Variants in SUPT3H observed in about 807,000 individuals in gnomAD.
SUPT3H encodes the protein transcription initiation protein SPT3 homolog.
Under a neutral mutation model 44.3 loss-of-function variants are expected in SUPT3H, and 44 were observed. That is an observed-to-expected ratio of 0.99 (90% CI 0.78 to 1.28). SUPT3H has a LOEUF of 1.28. Ranked by LOEUF, SUPT3H falls within the 50% of genes most tolerant of loss-of-function variation. The pLI, the probability that SUPT3H is intolerant of heterozygous loss-of-function variation, is 0.00. For missense variants in SUPT3H, 380 were observed against 387.1 expected, an observed-to-expected ratio of 0.98 and a Z score of 0.15; for synonymous variants, 124 against 125.6, an observed-to-expected ratio of 0.99 and a Z score of 0.09.
intron 3 of SUPT3H, among the ~76,000 whole-genome samples, chr6:45,051,990 G>C (rs1182154510): frequency 6.6e-6 from 1 of 152,122 alleles, no homozygotes; most frequent in Non-Finnish European, 1.5e-5. Flanking sequence ...ATACTAGAAG[G>C]ATCATGCACA....
At chr6:44,909,701 G>A (rs747961338) in intron 10 of SUPT3H, among the ~76,000 whole-genome samples, 6 of 152,132 alleles carry the variant, frequency 3.9e-5, no homozygotes, top group East Asian at 1.9e-4. Flanking sequence ...GGAGAGAGGC[G>A]CATGGACTTG....
At chr6:45,272,602 G>C (rs1389139022) in intron 2 of SUPT3H, among the ~76,000 whole-genome samples, 1 of 152,154 alleles carries the variant, frequency 6.6e-6, no homozygotes, top group Admixed American at 6.6e-5. Flanking sequence ...GATTAGTAAA[G>C]AAAAAGAAGT....
intron 10 of SUPT3H, among the ~76,000 whole-genome samples, chr6:44,846,275 T>C (rs1191231335): frequency 6.6e-6 from 1 of 152,218 alleles, no homozygotes; most frequent in African/African-American, 2.4e-5. Flanking sequence ...ATCATGAACT[T>C]TTCCTCAACT....
chr6:45,208,949 T>A (rs1286340870), intron 2 of SUPT3H, among the ~76,000 whole-genome samples: 2 of 151,894 alleles, frequency 1.3e-5, no homozygotes, highest in Non-Finnish European at 2.9e-5. Flanking sequence ...TCATTTACCA[T>A]TCAGAAAAAT....
At chr6:45,272,967 C>A (rs1274150479) in intron 2 of SUPT3H, among the ~76,000 whole-genome samples, 1 of 152,190 alleles carries the variant, frequency 6.6e-6, no homozygotes. Context: ...TCTTTAGGAT[C>A]ATACTAGTAA....
chr6:45,230,941 G>A (rs1158421590), intron 2 of SUPT3H, among the ~76,000 whole-genome samples: 2 of 151,950 alleles, frequency 1.3e-5, no homozygotes, highest in Non-Finnish European at 2.9e-5. Flanking sequence ...AAAGTGCTGG[G>A]ATTACAGGCG....
intron 9 of SUPT3H, among the ~76,000 whole-genome samples, chr6:44,948,788 T>C (rs1164314101): frequency 6.6e-6 from 1 of 152,126 alleles, no homozygotes; most frequent in African/African-American, 2.4e-5. Context: ...TTTACACTGC[T>C]GGTGGGACTG....
At chr6:45,296,316 GAAAACC>G (rs1281670175) in intron 2 of SUPT3H, among the ~76,000 whole-genome samples, 1 of 151,906 alleles carries the variant, frequency 6.6e-6, no homozygotes, top group African/African-American at 2.4e-5. Flanking sequence ...TGCAGGAATA[GAAAACC>G]AAACATCGTT....
At chr6:45,154,432 C>T (rs1807473251) in intron 2 of SUPT3H, among the ~76,000 whole-genome samples, 1 of 152,042 alleles carries the variant, frequency 6.6e-6, no homozygotes, top group African/African-American at 2.4e-5. Context: ...GACCTCCTCC[C>T]AAGAATCTCA....
At chr6:44,990,312 G>A (rs1359339385) in intron 6 of SUPT3H, among the ~76,000 whole-genome samples, 6 of 151,938 alleles carry the variant, frequency 3.9e-5, no homozygotes, top group Admixed American at 2.0e-4. Flanking sequence ...GTTTATTTCT[G>A]GGCTTTCTGT....
intron 2 of SUPT3H, among the ~76,000 whole-genome samples, chr6:45,325,971 T>G (rs996038430): frequency 1.3e-5 from 2 of 151,924 alleles, no homozygotes; most frequent in African/African-American, 4.8e-5. Flanking sequence ...CTGCTAGAAT[T>G]TGATAGGCCT....
chr6:45,336,092 C>T (rs1035531235), intron 2 of SUPT3H, among the ~76,000 whole-genome samples: 8 of 151,306 alleles, frequency 5.3e-5, no homozygotes, highest in African/African-American at 1.9e-4. Context: ...ATATTATAAA[C>T]TCCAGTGTCC....
chr6:45,267,173 G>A (rs540357647), intron 2 of SUPT3H, among the ~76,000 whole-genome samples: 1 of 152,224 alleles, frequency 6.6e-6, no homozygotes, highest in Admixed American at 6.5e-5. Context: ...TTTTGGATAT[G>A]AGATACTCAA....
At chr6:44,938,566 G>C (rs959773571) in intron 9 of SUPT3H, among the ~76,000 whole-genome samples, 2 of 151,860 alleles carry the variant, frequency 1.3e-5, no homozygotes, top group East Asian at 3.9e-4. Context: ...GCACTTTTTT[G>C]GTTCCATATG....
intron 3 of SUPT3H, among the ~76,000 whole-genome samples, chr6:45,042,297 C>A (rs1788663065): frequency 6.6e-6 from 1 of 152,086 alleles, no homozygotes; most frequent in African/African-American, 2.4e-5. Flanking sequence ...TTGGCAGGCA[C>A]CTGTAATCCC....
rs1010915046 is a variant in SUPT3H, at chr6:45,169,383, T to A, written c.102-63377A>T. On this transcript the variant is annotated intron_variant, in intron 2 of 10. Transcript: ENST00000371459. ...TAAATTATGAGGAATATTAAATTTA[T>A]ACTTAAAATTGTAAAAAAGGCTCCC... Among the ~76,000 whole-genome samples, 4 of 152,316 alleles carry A rather than the reference T, an allele frequency of 2.6e-5. No individual in the cohort carries two copies. In the South Asian group the frequency reaches 8.3e-4, roughly 32 times the overall value.
intron 10 of SUPT3H, among the ~76,000 whole-genome samples, chr6:44,922,265 C>T (rs1768847065): frequency 6.6e-6 from 1 of 152,150 alleles, no homozygotes; most frequent in Non-Finnish European, 1.5e-5. Context: ...TTTTTTCCCG[C>T]ACATTTTAAC....
chr6:45,337,772 T>C (rs777486801), intron 2 of SUPT3H, among the ~76,000 whole-genome samples: 1 of 152,012 alleles, frequency 6.6e-6, no homozygotes, highest in Non-Finnish European at 1.5e-5. Flanking sequence ...TTGGTTGTTA[T>C]GTTTATTTTT....
rs765270979 is a variant in SUPT3H, at chr6:45,230,660, G to GCCTA, written c.102-124655_102-124654insTAGG. 6.8e-4 allele frequency among the ~76,000 whole-genome samples: 35 copies of GCCTA among 51,170 alleles called. 5 individuals carry two copies. The highest frequency in any genetic ancestry group is 1.9e-3 in the South Asian group (2 of 1,032). 33.6% of individuals were successfully genotyped at this position (51,170 alleles called of 152,430 possible). On this transcript the variant is annotated intron_variant, in intron 2 of 10. Coordinates refer to ENST00000371459, the MANE Select transcript of SUPT3H (RefSeq NM_003599.4). ...TGAAATCATGTTTTAAATTCATTCA[G>GCCTA]TCTATATATATATATATATATATAT...
Sources: allele counts gnomAD v4.1 joint callset (sites outside exome capture counted in the v4.1 genomes callset), GRCh38; gene constraint gnomAD v4.1.1; transcripts MANE v1.5; gene names NCBI Gene and HGNC (gene_info 2026-07-23, HGNC 2026-07-21).